Variants in MTMR12 observed in about 807,000 individuals in gnomAD.
MTMR12 encodes myotubularin related protein 12.
In MTMR12, 33 loss-of-function variants were observed where a neutral mutation model predicts 96.7. The ratio of observed to expected loss-of-function variants is 0.34; its 90% CI spans 0.26 to 0.46. MTMR12 has a LOEUF of 0.46. Ranked by LOEUF, MTMR12 falls within the 20% of genes least tolerant of loss-of-function variation. The probability of loss-of-function intolerance (pLI) is 1.00; values close to 1 mark genes in which losing one functional copy is unlikely to be tolerated. For synonymous variants in MTMR12, 298 were observed against 327.2 expected, an observed-to-expected ratio of 0.91 and a Z score of 0.96; for missense variants, 721 against 896.1, an observed-to-expected ratio of 0.80 and a Z score of 2.49.
At chr5:32,240,928 C>G (rs1168825717) in intron 12 of MTMR12, among the ~76,000 whole-genome samples, 1 of 152,164 alleles carries the variant, frequency 6.6e-6, no homozygotes, top group African/African-American at 2.4e-5. Flanking sequence ...GGAACTCTTT[C>G]TTCTTGGATC....
chr5:32,248,806 C>T lies in MTMR12; in HGVS notation c.862G>A (p.Gly288Ser), dbSNP rs773468125. 10 of 1,613,984 alleles carry T rather than the reference C, an allele frequency of 6.2e-6. No homozygotes were observed. In the Admixed American group the frequency reaches 8.3e-5, roughly 13 times the overall value. Residue 288 changes from glycine to serine, a missense_variant, in exon 9 of 16, where the codon GGC becomes AGC. Transcript: ENST00000382142. ...MSALPKEQDD[G>S]ILQIQKSFLD... Reference sequence around the variant, plus strand: ...AAGCTCTTTTGGATTTGTAAAATGCCGTCATCCTGTTCTTTGGGCAGTGCT... The same window carrying T: ...AAGCTCTTTTGGATTTGTAAAATGCTGTCATCCTGTTCTTTGGGCAGTGCT...
chr5:32,256,519 G>T (rs1430863197), intron 7 of MTMR12, among the ~76,000 whole-genome samples: 2 of 152,206 alleles, frequency 1.3e-5, no homozygotes, highest in Non-Finnish European at 2.9e-5. Context: ...TTGTTAAGTA[G>T]TAGGACATGG....
intron 1 of MTMR12, among the ~76,000 whole-genome samples, chr5:32,292,340 T>C (rs1349222863): frequency 6.6e-6 from 1 of 152,182 alleles, no homozygotes; most frequent in East Asian, 1.9e-4. Flanking sequence ...TCACCCCTAG[T>C]GATCCACTAG....
intron 12 of MTMR12, among the ~76,000 whole-genome samples, chr5:32,240,398 CA>C (rs72026064): frequency 0.41 from 41,250 of 99,844 alleles, 5,813 homozygotes; most frequent in Middle Eastern, 0.57. Flanking sequence ...GACTCCGTCT[CA>C]AAAAAAAAAA....
intron 8 of MTMR12, 55 bp from the exon 9 acceptor site, chr5:32,248,933 C>T (rs1457734991): frequency 4.6e-5 from 63 of 1,361,918 alleles, no homozygotes; most frequent in Non-Finnish European, 6.5e-5. Flanking sequence ...CAACAGGGGA[C>T]ACATAAGCTT....
rs539912038 is a variant in MTMR12 at position 32,288,709 on chromosome 5, C to T, written c.82-11967G>A. Reference sequence around the variant, plus strand: ...GGACTCTGCTTTTAATGTTGCAGCTCGGGGAGTTAAAAAAGGTTCTAATAG... The same window carrying T: ...GGACTCTGCTTTTAATGTTGCAGCTTGGGGAGTTAAAAAAGGTTCTAATAG... On this transcript the variant is annotated intron_variant, in intron 1 of 15. Coordinates refer to ENST00000382142, the MANE Select transcript of MTMR12 (RefSeq NM_001040446.3). 2.7e-3 allele frequency among the ~76,000 whole-genome samples: 405 copies of T among 152,108 alleles called. 1 individual carries two copies. The highest frequency in any genetic ancestry group is 4.9e-3 in the Non-Finnish European group (332 of 68,006).
Position 32,301,772 on chromosome 5 carries a change from C to A in MTMR12, c.81+10986G>T, listed in dbSNP as rs573610020. ...CGGGCATGGTGGCACACCCCTGTAA[C>A]CCTAGCTACTCAGGAGGCTGAGATA... On this transcript the variant is annotated intron_variant, in intron 1 of 15. Transcript: ENST00000382142. 1.1e-4 allele frequency among the ~76,000 whole-genome samples: 16 copies of A among 152,078 alleles called. No individual in the cohort carries two copies. In the South Asian group the frequency reaches 1.9e-3, roughly 18 times the overall value.
Position 32,229,604 on chromosome 5 carries a change from CTT to C in MTMR12, c.*172_*173del. On this transcript the variant is annotated 3_prime_UTR_variant, in exon 16 of 16. Coordinates refer to ENST00000382142, the MANE Select transcript of MTMR12 (RefSeq NM_001040446.3). ...ACAGATGCGGTTTTAATTGCATAGT[CTT>C]TTAGAATCATGAAAAATAATGAGAG... 1.9e-6 allele frequency: 1 copy of C among 521,170 alleles called. No homozygotes were observed. The highest frequency in any genetic ancestry group is 3.2e-6 in the Non-Finnish European group (1 of 316,596). 32.3% of individuals were successfully genotyped at this position (521,170 alleles called of 1,614,324 possible).
At chr5:32,243,436 AAC>A (rs1271865087) in intron 11 of MTMR12, 83 bp downstream of exon 11, 4 of 922,158 alleles carry the variant, frequency 4.3e-6, no homozygotes, top group Non-Finnish European at 6.8e-6. Context: ...TCAAATATCA[AAC>A]AGTTAAATTA....
intron 1 of MTMR12, among the ~76,000 whole-genome samples, chr5:32,280,640 C>T (rs1750255376): frequency 6.6e-6 from 1 of 152,108 alleles, no homozygotes; most frequent in Non-Finnish European, 1.5e-5. Flanking sequence ...CTCTATGTTT[C>T]TCCAATATTT....
Position 32,281,257 on chromosome 5 carries a change from A to C in MTMR12, c.82-4515T>G, listed in dbSNP as rs975728235. ...AAGGAGACTCTATCATTAAAAAAAA[A>C]AAAAAAACAAAAAAAACTGTTACAT... is the stretch of plus-strand genomic sequence containing the variant. On this transcript the variant is annotated intron_variant, in intron 1 of 15. Coordinates refer to ENST00000382142, the MANE Select transcript of MTMR12 (RefSeq NM_001040446.3). Among the ~76,000 whole-genome samples, 81 of 149,970 alleles carry C rather than the reference A, an allele frequency of 5.4e-4. 1 individual carries two copies. Among genetic ancestry groups the C allele is most frequent in the African/African-American group, 1.6e-3 (65 of 40,686 alleles).
intron 15 of MTMR12, among the ~76,000 whole-genome samples, chr5:32,231,783 C>T (rs1049282982): frequency 2.6e-5 from 4 of 152,196 alleles, no homozygotes; most frequent in South Asian, 2.1e-4. Flanking sequence ...TTTTCTCCAT[C>T]GTGAAGATGT....
chr5:32,263,087 G>C, intron 7 of MTMR12, 26 bp downstream of exon 7: 1 of 1,613,312 alleles, frequency 6.2e-7, no homozygotes, highest in African/African-American at 1.3e-5. Flanking sequence ...GAATTGTACA[G>C]CATGTGCCCA....
chr5:32,272,062 C>T (rs996924376), intron 3 of MTMR12, among the ~76,000 whole-genome samples, 157 bp from the exon 4 acceptor site: 1 of 151,982 alleles, frequency 6.6e-6, no homozygotes, highest in African/African-American at 2.4e-5. Context: ...GAGGCCGACG[C>T]GGGCGGATCA....
chr5:32,289,943 C>T (rs1010628297), intron 1 of MTMR12, among the ~76,000 whole-genome samples: 2 of 152,210 alleles, frequency 1.3e-5, no homozygotes, highest in African/African-American at 4.8e-5. Flanking sequence ...GTGATTCCCA[C>T]ATCCCTGTTC....
chr5:32,268,620 G>C, intron 6 of MTMR12, 81 bp downstream of exon 6: 1 of 1,170,972 alleles, frequency 8.5e-7, no homozygotes, highest in Admixed American at 1.7e-5. Flanking sequence ...ACAACCCATA[G>C]ATGTGTTCTC....
chr5:32,295,138 C>A (rs1329446200), intron 1 of MTMR12, among the ~76,000 whole-genome samples: 1 of 152,240 alleles, frequency 6.6e-6, no homozygotes, highest in Non-Finnish European at 1.5e-5. Flanking sequence ...CCACTCCTGG[C>A]CAGAAGGCTT....
chr5:32,240,887 C>T (rs1004013759), intron 12 of MTMR12, among the ~76,000 whole-genome samples: 4 of 152,202 alleles, frequency 2.6e-5, no homozygotes, highest in African/African-American at 9.7e-5. Flanking sequence ...AGGTGTGAGC[C>T]ACCGTGTCCA....
intron 8 of MTMR12, among the ~76,000 whole-genome samples, chr5:32,254,184 C>T (rs545687129): frequency 5.3e-5 from 8 of 152,296 alleles, no homozygotes; most frequent in South Asian, 2.1e-4. Flanking sequence ...CTAAAGCATC[C>T]GTTTTCGAAG....
Sources: allele counts gnomAD v4.1 joint callset (sites outside exome capture counted in the v4.1 genomes callset), GRCh38; gene constraint gnomAD v4.1.1; transcripts MANE v1.5; gene names NCBI Gene and HGNC (gene_info 2026-07-23, HGNC 2026-07-21).